The following GRM3 variants were observed in gnomAD, a reference collection of about 807,000 sequenced individuals.
GRM3 encodes the protein metabotropic glutamate receptor 3.
GRM3 carries 26 observed loss-of-function variants against 70.5 expected under a neutral mutation model. The ratio of observed to expected loss-of-function variants is 0.37; its 90% CI spans 0.27 to 0.51. The LOEUF (loss-of-function observed/expected upper bound fraction) is 0.51. GRM3 is among the 20% of genes least tolerant of loss of function. The pLI, the probability that GRM3 is intolerant of heterozygous loss-of-function variation, is 0.93. For synonymous variants in GRM3, 443 were observed against 434.9 expected, an observed-to-expected ratio of 1.02 and a Z score of -0.23; for missense variants, 859 against 1,123.8, an observed-to-expected ratio of 0.76 and a Z score of 3.37.
At chr7:86,743,000 T>C (rs1796023024) in intron 1 of GRM3, among the ~76,000 whole-genome samples, 1 of 152,136 alleles carries the variant, frequency 6.6e-6, no homozygotes, top group Non-Finnish European at 1.5e-5. Context: ...AGACCGAAGC[T>C]CATAAGTATT....
intron 1 of GRM3, among the ~76,000 whole-genome samples, chr7:86,739,914 C>T (rs374804182): frequency 6.6e-6 from 1 of 152,158 alleles, no homozygotes; most frequent in Non-Finnish European, 1.5e-5. Context: ...GTTTCCTCAT[C>T]TCTAAAATGT....
At chr7:86,681,494 A>G (rs1461810324) in intron 1 of GRM3, among the ~76,000 whole-genome samples, 2 of 152,156 alleles carry the variant, frequency 1.3e-5, no homozygotes. Context: ...ATAAGGAATG[A>G]ATATGCTCTT....
intron 1 of GRM3, among the ~76,000 whole-genome samples, chr7:86,713,127 C>T (rs1374364815): frequency 2.0e-5 from 3 of 152,010 alleles, no homozygotes; most frequent in African/African-American, 7.2e-5. Context: ...TATATAGCCT[C>T]ATCAGCATCT....
chr7:86,857,531 A>AGAG (rs1310092770), intron 5 of GRM3, among the ~76,000 whole-genome samples: 1 of 152,228 alleles, frequency 6.6e-6, no homozygotes, highest in Non-Finnish European at 1.5e-5. Flanking sequence ...GGTTTAGACC[A>AGAG]GAGTGAGAGA....
chr7:86,771,613 A>G (rs1168658689), intron 2 of GRM3, among the ~76,000 whole-genome samples: 1 of 152,080 alleles, frequency 6.6e-6, no homozygotes, highest in African/African-American at 2.4e-5. Context: ...CATGGAGTAG[A>G]GGGAACATAA....
intron 1 of GRM3, among the ~76,000 whole-genome samples, chr7:86,694,592 T>C (rs758049148): frequency 8.6e-5 from 13 of 150,452 alleles, no homozygotes; most frequent in Non-Finnish European, 1.0e-4. Flanking sequence ...CCGAACCTCA[T>C]TCTGATTTCT....
intron 3 of GRM3, among the ~76,000 whole-genome samples, chr7:86,835,074 G>A (rs1376131164): frequency 6.6e-6 from 1 of 151,934 alleles, no homozygotes; most frequent in African/African-American, 2.4e-5. Flanking sequence ...TAATACTGTG[G>A]TAGTTATAAA....
intron 1 of GRM3, among the ~76,000 whole-genome samples, chr7:86,648,945 C>T (rs919025085): frequency 6.6e-6 from 1 of 152,116 alleles, no homozygotes; most frequent in African/African-American, 2.4e-5. Flanking sequence ...TCCTAGGTTA[C>T]ACTTAGCAAG....
intron 1 of GRM3, among the ~76,000 whole-genome samples, chr7:86,715,972 A>T (rs1795304559): frequency 6.6e-6 from 1 of 152,046 alleles, no homozygotes; most frequent in Admixed American, 6.6e-5. Context: ...GAAAGAACTC[A>T]CCTGAAGCAC....
At chr7:86,764,719 A>G (rs1796558816) in intron 1 of GRM3, among the ~76,000 whole-genome samples, 1 of 152,064 alleles carries the variant, frequency 6.6e-6, no homozygotes, top group Non-Finnish European at 1.5e-5. Context: ...AAAACAAAAC[A>G]CAAAAAAACT....
intron 1 of GRM3, among the ~76,000 whole-genome samples, chr7:86,761,135 A>G (rs1168141791): frequency 6.6e-6 from 1 of 152,150 alleles, no homozygotes; most frequent in Admixed American, 6.6e-5. Flanking sequence ...GACAGCAGGG[A>G]TGATGTTCAT....
chr7:86,675,995 A>G (rs1794296354), intron 1 of GRM3, among the ~76,000 whole-genome samples: 2 of 152,026 alleles, frequency 1.3e-5, no homozygotes, highest in African/African-American at 4.8e-5. Context: ...AGCAAGAACA[A>G]TAAATAAGGA....
chr7:86,765,908 G>A (rs1175415347), intron 2 of GRM3, among the ~76,000 whole-genome samples: 1 of 152,118 alleles, frequency 6.6e-6, no homozygotes, highest in Non-Finnish European at 1.5e-5. Context: ...ATCAGATGCT[G>A]TGAACTAATG....
intron 1 of GRM3, among the ~76,000 whole-genome samples, chr7:86,756,298 C>T (rs902622539): frequency 7.2e-5 from 11 of 152,000 alleles, no homozygotes; most frequent in African/African-American, 2.7e-4. Flanking sequence ...AGGCTGGTCT[C>T]GAACTCCTGA....
At chr7:86,700,376 C>T (rs1794920287) in intron 1 of GRM3, among the ~76,000 whole-genome samples, 1 of 151,796 alleles carries the variant, frequency 6.6e-6, no homozygotes, top group African/African-American at 2.4e-5. Context: ...TCTGTTAAAG[C>T]ATTCAATATG....
intron 3 of GRM3, among the ~76,000 whole-genome samples, chr7:86,792,806 G>A (rs1169902240): frequency 1.3e-5 from 2 of 152,074 alleles, no homozygotes; most frequent in African/African-American, 4.8e-5. Flanking sequence ...CTTTGGTTTG[G>A]ATTGGGAAAT....
chr7:86,737,534 A>T (rs551757154), intron 1 of GRM3, among the ~76,000 whole-genome samples: 38 of 152,348 alleles, frequency 2.5e-4, no homozygotes, highest in Admixed American at 5.9e-4. Context: ...ATGAAACGTA[A>T]CACAGTACCA....
At chr7:86,778,078 C>T (rs893805935) in intron 2 of GRM3, among the ~76,000 whole-genome samples, 1 of 152,082 alleles carries the variant, frequency 6.6e-6, no homozygotes, top group African/African-American at 2.4e-5. Context: ...AAGGTGTAGA[C>T]TTATTCTTAG....
chr7:86,670,513 C>T (rs1442997846), intron 1 of GRM3, among the ~76,000 whole-genome samples: 1 of 152,180 alleles, frequency 6.6e-6, no homozygotes, highest in Non-Finnish European at 1.5e-5. Context: ...ATCTTGAGTC[C>T]ACAAATCCAA....
Sources: gnomAD v4.1 joint callset for allele counts (sites outside exome capture counted in the v4.1 genomes callset) on GRCh38, gnomAD v4.1.1 for gene constraint, MANE v1.5 for transcripts, NCBI Gene and HGNC (gene_info 2026-07-23, HGNC 2026-07-21) for gene names.